The following TCF12 variants were observed in gnomAD, a reference collection of about 807,000 sequenced individuals.
TCF12 encodes DNA-binding protein HTF4.
TCF12 carries 45 observed loss-of-function variants against 86.0 expected under a neutral mutation model. The observed-to-expected ratio is 0.52, with a 90% CI of 0.41 to 0.67. TCF12 has a LOEUF of 0.67. TCF12 is among the 30% of genes least tolerant of loss of function. TCF12 has a pLI of 0.00. For synonymous variants in TCF12, 330 were observed against 299.6 expected (o/e 1.10, Z -1.05); for missense variants, 881 against 859.9 (o/e 1.02, Z -0.31).
chr15:56,924,596 G>C (rs1289683228), intron 3 of TCF12, among the ~76,000 whole-genome samples: 1 of 152,152 alleles, frequency 6.6e-6, no homozygotes, highest in East Asian at 1.9e-4. Flanking sequence ...GTACATATTA[G>C]TGTTGAAATT....
chr15:57,218,956 C>T, intron 8 of TCF12: 1 of 865,140 alleles, frequency 1.2e-6, no homozygotes, highest in Non-Finnish European at 1.4e-6. Flanking sequence ...CAAGATTTAA[C>T]TGTCTAGATC....
intron 3 of TCF12, among the ~76,000 whole-genome samples, chr15:57,027,276 A>G (rs1338043514): frequency 6.6e-6 from 1 of 152,186 alleles, no homozygotes; most frequent in Non-Finnish European, 1.5e-5. Context: ...TGTCACTGTA[A>G]ATTACCTTTG....
At chr15:57,032,145 C>G (rs757535203) in intron 3 of TCF12, among the ~76,000 whole-genome samples, 44 of 152,164 alleles carry the variant, frequency 2.9e-4, no homozygotes, top group Non-Finnish European at 5.6e-4. Context: ...CGTATACAGA[C>G]ACCTTGGGCT....
At chr15:57,272,496 C>A (rs2061189254) in intron 18 of TCF12, among the ~76,000 whole-genome samples, 1 of 152,216 alleles carries the variant, frequency 6.6e-6, no homozygotes, top group Non-Finnish European at 1.5e-5. Context: ...CGCCAGGTAA[C>A]CGCCAGAGTA....
At chr15:57,082,509 G>T (rs1364123260) in intron 4 of TCF12, among the ~76,000 whole-genome samples, 3 of 152,160 alleles carry the variant, frequency 2.0e-5, no homozygotes, top group Non-Finnish European at 4.4e-5. Context: ...ACTGCCTTTG[G>T]ACCCAGGCCA....
chr15:57,258,021 A>C (rs2060428119), intron 16 of TCF12, among the ~76,000 whole-genome samples: 1 of 152,068 alleles, frequency 6.6e-6, no homozygotes, highest in African/African-American at 2.4e-5. Context: ...GAATTTTAGC[A>C]ATGTATGGTG....
At chr15:57,140,118 C>G (rs543109712) in intron 5 of TCF12, among the ~76,000 whole-genome samples, 1 of 152,132 alleles carries the variant, frequency 6.6e-6, no homozygotes, top group Non-Finnish European at 1.5e-5. Context: ...TTCATATCAG[C>G]ATTATTCCCA....
At chr15:57,103,967 C>T (rs978260623) in intron 5 of TCF12, among the ~76,000 whole-genome samples, 1 of 152,070 alleles carries the variant, frequency 6.6e-6, no homozygotes, top group Non-Finnish European at 1.5e-5. Context: ...AAAATCACGC[C>T]ACTGCATTCC....
At chr15:57,074,207 G>A (rs919722776) in intron 4 of TCF12, among the ~76,000 whole-genome samples, 4 of 152,062 alleles carry the variant, frequency 2.6e-5, no homozygotes, top group African/African-American at 7.3e-5. Context: ...GTTAATTCCC[G>A]AGCCTCAGAT....
chr15:57,051,677 C>T (rs146223418), intron 3 of TCF12, among the ~76,000 whole-genome samples: 113 of 152,266 alleles, frequency 7.4e-4, no homozygotes, highest in Non-Finnish European at 1.8e-4. Flanking sequence ...TGTCCAGCCA[C>T]CACATTGCCA....
rs1285755317 is a variant in TCF12, at chr15:57,040,168, A to G, written c.149-23582A>G. ...CTTCTGTCTGTGAAAACATGATTAT[A>G]TGGATTCTTTTTTATCTCCCCATTG... On this transcript the variant is annotated intron_variant, in intron 3 of 20. Transcript: ENST00000333725. Among the ~76,000 whole-genome samples the G allele has an allele frequency of 3.3e-5, 5 of 152,254 alleles. 1 individual carries two copies. Among genetic ancestry groups the G allele is most frequent in the East Asian group, 3.9e-4 (2 of 5,188 alleles).
intron 6 of TCF12, among the ~76,000 whole-genome samples, chr15:57,172,944 TAA>T (rs113797415): frequency 5.8e-5 from 8 of 137,104 alleles, no homozygotes; most frequent in Admixed American, 7.4e-5. Flanking sequence ...CTATTAAAAT[TAA>T]AAAAAAAAAA....
At chr15:57,015,217 G>A (rs1359517630) in intron 3 of TCF12, among the ~76,000 whole-genome samples, 1 of 152,160 alleles carries the variant, frequency 6.6e-6, no homozygotes, top group Non-Finnish European at 1.5e-5. Flanking sequence ...GAGCCCTGGA[G>A]GCAGAGGTTG....
At chr15:56,924,361 T>G (rs910869857) in intron 3 of TCF12, among the ~76,000 whole-genome samples, 1 of 152,170 alleles carries the variant, frequency 6.6e-6, no homozygotes, top group Non-Finnish European at 1.5e-5. Flanking sequence ...ATGGTAAGAT[T>G]ACTAAATGCC....
intron 4 of TCF12, among the ~76,000 whole-genome samples, chr15:57,074,538 G>C (rs2069716782): frequency 6.6e-6 from 1 of 152,078 alleles, no homozygotes; most frequent in African/African-American, 2.4e-5. Context: ...ACAGGGTCTT[G>C]CTCTGTCGCC....
intron 3 of TCF12, among the ~76,000 whole-genome samples, chr15:57,058,396 G>T (rs950654439): frequency 1.3e-5 from 2 of 152,040 alleles, no homozygotes; most frequent in Admixed American, 1.3e-4. Flanking sequence ...TCATTTTTTT[G>T]AATGAAATTT....
intron 5 of TCF12, among the ~76,000 whole-genome samples, chr15:57,112,335 C>T (rs2151238350): frequency 6.6e-6 from 1 of 152,258 alleles, no homozygotes; most frequent in East Asian, 1.9e-4. Flanking sequence ...GCAGTTTTTT[C>T]AGGGACAGGC....
At chr15:56,940,527 C>T (rs981921055) in intron 3 of TCF12, among the ~76,000 whole-genome samples, 1 of 142,438 alleles carries the variant, frequency 7.0e-6, no homozygotes, top group Admixed American at 6.8e-5. Flanking sequence ...CCTCCTTCTT[C>T]TTCTCCTTCT....
At chr15:56,973,845 T>C (rs751037998) in intron 3 of TCF12, among the ~76,000 whole-genome samples, 6 of 152,114 alleles carry the variant, frequency 3.9e-5, no homozygotes, top group Admixed American at 1.3e-4. Flanking sequence ...TCTCCTGATA[T>C]AGAGCACTGA....
Sources: allele counts gnomAD v4.1 joint callset (sites outside exome capture counted in the v4.1 genomes callset), GRCh38; gene constraint gnomAD v4.1.1; transcripts MANE v1.5; gene names NCBI Gene and HGNC (gene_info 2026-07-23, HGNC 2026-07-21).